The following DTNB variants were observed in gnomAD, a reference collection of about 807,000 sequenced individuals.
DTNB encodes DTN-B.
DTNB carries 63 observed loss-of-function variants against 90.7 expected under a neutral mutation model. The observed-to-expected ratio is 0.69, with a 90% confidence interval of 0.57 to 0.86. The LOEUF is 0.86. Ranked by LOEUF, DTNB falls within the 40% of genes least tolerant of loss-of-function variation. The pLI is 0.00. For missense variants in DTNB, 744 were observed against 807.1 expected, an observed-to-expected ratio of 0.92 and a Z score of 0.95; for synonymous variants, 277 against 286.7, an observed-to-expected ratio of 0.97 and a Z score of 0.34.
At chr2:25,605,286 C>A (rs899910967) in intron 5 of DTNB, among the ~76,000 whole-genome samples, 1 of 152,232 alleles carries the variant, frequency 6.6e-6, no homozygotes, top group Non-Finnish European at 1.5e-5. Context: ...CCAGCACAGT[C>A]TGTATCACAG....
intron 7 of DTNB, among the ~76,000 whole-genome samples, chr2:25,578,140 TATTA>T (rs2060993870): frequency 6.6e-6 from 1 of 152,146 alleles, no homozygotes; most frequent in South Asian, 2.1e-4. Context: ...CAAAAATATA[TATTA>T]ACTAGTGAAT....
intron 15 of DTNB, among the ~76,000 whole-genome samples, chr2:25,425,502 A>C (rs58330239): frequency 0.013 from 1,955 of 152,346 alleles, 57 homozygotes; most frequent in African/African-American, 0.044. Context: ...CCTGGGGTTA[A>C]GATCCTTGTC....
chr2:25,610,393 T>C (rs886577342), intron 4 of DTNB, among the ~76,000 whole-genome samples: 5 of 151,964 alleles, frequency 3.3e-5, no homozygotes, highest in African/African-American at 1.2e-4. Context: ...AGAGAGTATA[T>C]GTGCCAGGAA....
At chr2:25,477,816 A>G (rs539517432) in intron 10 of DTNB, among the ~76,000 whole-genome samples, 8 of 152,272 alleles carry the variant, frequency 5.3e-5, no homozygotes, top group African/African-American at 1.9e-4. Flanking sequence ...TCCAGGGACT[A>G]TGAGCCAATC....
chr2:25,673,502 C>T lies in DTNB; in HGVS notation c.-118G>A, dbSNP rs1172919984. ...GGCAGCGGCAGCGCCTACTCAGGCC[C>T]CGGAGCCACCCCCGCGGCGAACGTT... On this transcript the variant is annotated 5_prime_UTR_variant, in exon 1 of 21. Coordinates refer to ENST00000406818, the MANE Select transcript of DTNB (RefSeq NM_021907.5). The T allele has an allele frequency of 6.6e-6, 1 of 150,726 alleles. No individual in the cohort carries two copies. Among genetic ancestry groups the T allele is most frequent in the Non-Finnish European group, 1.5e-5 (1 of 67,530 alleles). The allele number at this position is 150,726 out of a possible 1,614,324, so 9.3% of individuals were successfully genotyped here.
At chr2:25,460,731 T>C (rs983099996) in intron 10 of DTNB, among the ~76,000 whole-genome samples, 1 of 152,090 alleles carries the variant, frequency 6.6e-6, no homozygotes, top group Admixed American at 6.6e-5. Flanking sequence ...ATAAATAGTT[T>C]TGGCAAAATA....
chr2:25,551,505 T>C (rs531140755), intron 8 of DTNB, among the ~76,000 whole-genome samples: 15 of 152,156 alleles, frequency 9.9e-5, no homozygotes, highest in African/African-American at 3.6e-4. Context: ...TCTGAAGGAG[T>C]TGGCTGAGCA....
At chr2:25,397,721 C>T (rs1435759426) in intron 16 of DTNB, among the ~76,000 whole-genome samples, 1 of 151,828 alleles carries the variant, frequency 6.6e-6, no homozygotes, top group Non-Finnish European at 1.5e-5. Flanking sequence ...CTCTACTAAA[C>T]ATACAAAAAT....
intron 10 of DTNB, among the ~76,000 whole-genome samples, chr2:25,476,292 C>T (rs563241172): frequency 6.6e-6 from 1 of 152,274 alleles, no homozygotes; most frequent in South Asian, 2.1e-4. Context: ...TGGTCTGGAA[C>T]TCCTGACCTC....
intron 8 of DTNB, among the ~76,000 whole-genome samples, chr2:25,563,196 C>G (rs188324956): frequency 6.6e-6 from 1 of 152,336 alleles, no homozygotes; most frequent in East Asian, 1.9e-4. Flanking sequence ...TCGTGCAAAT[C>G]TGAAACTCTA....
chr2:25,610,908 C>T (rs2068449724), intron 4 of DTNB, among the ~76,000 whole-genome samples: 1 of 152,140 alleles, frequency 6.6e-6, no homozygotes, highest in Non-Finnish European at 1.5e-5. Context: ...CAGGGTTTCA[C>T]GATGTTGGCC....
chr2:25,541,868 T>A (rs1454611771), intron 8 of DTNB, among the ~76,000 whole-genome samples: 1 of 152,230 alleles, frequency 6.6e-6, no homozygotes, highest in Non-Finnish European at 1.5e-5. Flanking sequence ...CCATTTTGAA[T>A]TCCACCAATA....
chr2:25,492,731 C>G (rs889066249), intron 9 of DTNB, among the ~76,000 whole-genome samples: 1 of 152,062 alleles, frequency 6.6e-6, no homozygotes. Flanking sequence ...CACCTGTAGT[C>G]CCAGGTACTC....
intron 6 of DTNB, among the ~76,000 whole-genome samples, chr2:25,587,712 ACT>A (rs1336165055): frequency 6.6e-6 from 1 of 151,952 alleles, no homozygotes; most frequent in Non-Finnish European, 1.5e-5. Flanking sequence ...TTAGTAAGAC[ACT>A]CTCTCCTTCA....
chr2:25,380,483 T>C (rs2037334519), intron 19 of DTNB, among the ~76,000 whole-genome samples: 1 of 152,228 alleles, frequency 6.6e-6, no homozygotes, highest in African/African-American at 2.4e-5. Flanking sequence ...TCACCCCAAC[T>C]CTTAACACTC....
At chr2:25,533,395 A>G (rs483490) in intron 8 of DTNB, among the ~76,000 whole-genome samples, 45,675 of 151,864 alleles carry the variant, frequency 0.3, 7,968 homozygotes, top group East Asian at 0.51. Flanking sequence ...AGTATATAAA[A>G]CGAAACATAG....
chr2:25,642,890 A>G (rs1573928536), intron 2 of DTNB, among the ~76,000 whole-genome samples: 1 of 152,136 alleles, frequency 6.6e-6, no homozygotes, highest in Non-Finnish European at 1.5e-5. Context: ...AGTAGCTGGG[A>G]CTACAGGCGT....
At chr2:25,585,829 A>G (rs2062297218) in intron 6 of DTNB, among the ~76,000 whole-genome samples, 1 of 152,224 alleles carries the variant, frequency 6.6e-6, no homozygotes, top group Non-Finnish European at 1.5e-5. Flanking sequence ...TTATCTGACA[A>G]GGGCAAACAT....
At chr2:25,587,065 G>A (rs1201426335) in intron 6 of DTNB, among the ~76,000 whole-genome samples, 1 of 152,162 alleles carries the variant, frequency 6.6e-6, no homozygotes, top group Non-Finnish European at 1.5e-5. Flanking sequence ...CCCATGGTAT[G>A]CTAAGGGTAG....
Sources: gnomAD v4.1 joint callset for allele counts (sites outside exome capture counted in the v4.1 genomes callset) on GRCh38, gnomAD v4.1.1 for gene constraint, MANE v1.5 for transcripts, NCBI Gene and HGNC (gene_info 2026-07-23, HGNC 2026-07-21) for gene names.